Variants in ZMAT4 observed in about 807,000 individuals in gnomAD.
The protein encoded by ZMAT4 is zinc finger matrin-type protein 4.
Under a neutral mutation model 28.7 loss-of-function variants are expected in ZMAT4, and 17 were observed. The ratio of observed to expected loss-of-function variants is 0.59; its 90% CI spans 0.41 to 0.89. The LOEUF (loss-of-function observed/expected upper bound fraction) is 0.89, where lower values mean the gene tolerates loss of function less well. ZMAT4 is among the 40% of genes least tolerant of loss of function. The pLI, the probability that ZMAT4 is intolerant of heterozygous loss-of-function variation, is 0.00. For synonymous variants in ZMAT4, 117 were observed against 109.2 expected, an observed-to-expected ratio of 1.07 and a Z score of -0.44; for missense variants, 240 against 283.8, an observed-to-expected ratio of 0.85 and a Z score of 1.11.
intron 2 of ZMAT4, among the ~76,000 whole-genome samples, chr8:40,822,436 T>G (rs1404574197): frequency 1.3e-5 from 2 of 152,190 alleles, no homozygotes; most frequent in East Asian, 3.9e-4. Context: ...GGAGACTAAG[T>G]GTGACAGCAA....
At chr8:40,583,084 G>A (rs1028288965) in intron 5 of ZMAT4, among the ~76,000 whole-genome samples, 8 of 152,164 alleles carry the variant, frequency 5.3e-5, no homozygotes, top group East Asian at 1.9e-4. Flanking sequence ...ATATTGTACC[G>A]TGAGTTCCAT....
intron 6 of ZMAT4, among the ~76,000 whole-genome samples, chr8:40,580,496 AG>A (rs1804426778): frequency 2.0e-5 from 3 of 152,210 alleles, no homozygotes; most frequent in Admixed American, 2.0e-4. Context: ...CAACTTTTTG[AG>A]ACATTCTTTG....
At chr8:40,588,334 A>T (rs1804737316) in intron 5 of ZMAT4, among the ~76,000 whole-genome samples, 1 of 152,066 alleles carries the variant, frequency 6.6e-6, no homozygotes, top group Admixed American at 6.5e-5. Flanking sequence ...GAAAACAAAA[A>T]GATAAGACAG....
chr8:40,615,663 T>C (rs1171927601), intron 5 of ZMAT4, among the ~76,000 whole-genome samples: 1 of 152,220 alleles, frequency 6.6e-6, no homozygotes, highest in Non-Finnish European at 1.5e-5. Context: ...TCTTCTCGCT[T>C]CATTTCATTC....
At chr8:40,838,367 G>A (rs1816574321) in intron 1 of ZMAT4, among the ~76,000 whole-genome samples, 1 of 152,100 alleles carries the variant, frequency 6.6e-6, no homozygotes, top group Admixed American at 6.6e-5. Flanking sequence ...TCCTGAGACA[G>A]GGTCTTGCTC....
intron 5 of ZMAT4, among the ~76,000 whole-genome samples, chr8:40,654,850 T>G (rs991940561): frequency 2.6e-5 from 4 of 152,088 alleles, no homozygotes; most frequent in Admixed American, 2.6e-4. Context: ...TCATACTTCA[T>G]AGTGATAATT....
At chr8:40,771,789 C>T (rs1332838285) in intron 2 of ZMAT4, among the ~76,000 whole-genome samples, 2 of 152,204 alleles carry the variant, frequency 1.3e-5, no homozygotes, top group African/African-American at 4.8e-5. Context: ...GCTATACGCA[C>T]AACTACACTG....
rs551130946 is a variant in ZMAT4, at chr8:40,612,263, C to T, written c.578-31002G>A. 3.3e-4 allele frequency among the ~76,000 whole-genome samples: 29 copies of T among 89,160 alleles called. 4 individuals carry two copies. Among genetic ancestry groups the T allele is most frequent in the African/African-American group, 8.7e-4 (29 of 33,224 alleles). The allele number at this position is 89,160 out of a possible 152,430, so 58.5% of individuals were successfully genotyped here. On this transcript the variant is annotated intron_variant, in intron 5 of 6. Transcript: ENST00000297737. Reference sequence around the variant, plus strand: ...TCTTAGAACTGTGTGCATGCTAAATCATATCTGCTACTGCTCTGGGGCAAT... The same window carrying T: ...TCTTAGAACTGTGTGCATGCTAAATTATATCTGCTACTGCTCTGGGGCAAT...
intron 3 of ZMAT4, among the ~76,000 whole-genome samples, chr8:40,739,103 T>C (rs1452561797): frequency 2.0e-5 from 3 of 152,220 alleles, no homozygotes; most frequent in South Asian, 2.1e-4. Flanking sequence ...AATAATTTTT[T>C]CAAGTTTTTA....
intron 2 of ZMAT4, among the ~76,000 whole-genome samples, chr8:40,776,103 C>T (rs1423630625): frequency 6.6e-6 from 1 of 152,230 alleles, no homozygotes; most frequent in Non-Finnish European, 1.5e-5. Context: ...CTTGTTATGA[C>T]ACAGCCTAGG....
chr8:40,872,252 C>A (rs1586199755), intron 1 of ZMAT4, among the ~76,000 whole-genome samples: 1 of 152,226 alleles, frequency 6.6e-6, no homozygotes, highest in Admixed American at 6.5e-5. Flanking sequence ...CTGCTCCAGG[C>A]AGAAACAGTA....
intron 6 of ZMAT4, among the ~76,000 whole-genome samples, chr8:40,560,590 G>A (rs558001130): frequency 2.0e-4 from 31 of 151,862 alleles, no homozygotes; most frequent in African/African-American, 6.0e-4. Context: ...GTCAAACTCC[G>A]GCAAAATAAA....
intron 1 of ZMAT4, among the ~76,000 whole-genome samples, chr8:40,846,993 G>A (rs953386070): frequency 6.6e-6 from 1 of 152,086 alleles, no homozygotes; most frequent in Non-Finnish European, 1.5e-5. Context: ...GATCATTTGA[G>A]GTCAGGAGTT....
In ZMAT4 at chr8:40,861,110, G is replaced by A. The variant is rs563170035; in HGVS notation, c.-4-35430C>T. On this transcript the variant is annotated intron_variant, in intron 1 of 6. Coordinates refer to ENST00000297737, the MANE Select transcript of ZMAT4 (RefSeq NM_024645.3). Reference sequence around the variant, plus strand: ...TGGTATTTACATATTAATAGTTCATGCTTCCTCCTCGATTAGTCTGAAACT... The same window carrying A: ...TGGTATTTACATATTAATAGTTCATACTTCCTCCTCGATTAGTCTGAAACT... Among the ~76,000 whole-genome samples, 28 of 152,300 alleles carry A rather than the reference G, an allele frequency of 1.8e-4. 1 individual carries two copies. In the South Asian group the frequency reaches 5.8e-3, roughly 32 times the overall value.
chr8:40,688,120 T>C (rs550678317), intron 4 of ZMAT4, among the ~76,000 whole-genome samples: 1 of 152,210 alleles, frequency 6.6e-6, no homozygotes, highest in East Asian at 1.9e-4. Context: ...GCTTAGTCCT[T>C]CAATGCAACT....
At chr8:40,676,142 C>A (rs922470566) in intron 4 of ZMAT4, among the ~76,000 whole-genome samples, 3 of 152,228 alleles carry the variant, frequency 2.0e-5, no homozygotes, top group Admixed American at 6.5e-5. Context: ...TTCAGAAATG[C>A]CAGTGGCTTA....
At chr8:40,850,776 C>T (rs777066115) in intron 1 of ZMAT4, among the ~76,000 whole-genome samples, 88 of 152,066 alleles carry the variant, frequency 5.8e-4, no homozygotes, top group Non-Finnish European at 1.0e-3. Context: ...CCTTACAGTC[C>T]GGCAGTTACA....
chr8:40,753,409 C>G (rs1421132809), intron 3 of ZMAT4, among the ~76,000 whole-genome samples: 1 of 152,204 alleles, frequency 6.6e-6, no homozygotes, highest in Non-Finnish European at 1.5e-5. Flanking sequence ...CCAGACACAG[C>G]TCAAGCATCA....
chr8:40,558,620 TAGA>T (rs1803625427), intron 6 of ZMAT4, among the ~76,000 whole-genome samples: 2 of 151,458 alleles, frequency 1.3e-5, no homozygotes, highest in South Asian at 4.2e-4. Flanking sequence ...GAGAAGGAGG[TAGA>T]AGATCATTGG....
Sources: gnomAD v4.1 joint callset for allele counts (sites outside exome capture counted in the v4.1 genomes callset) on GRCh38, gnomAD v4.1.1 for gene constraint, MANE v1.5 for transcripts, NCBI Gene and HGNC (gene_info 2026-07-23, HGNC 2026-07-21) for gene names.